Variants in SRRM4 observed in about 807,000 individuals in gnomAD.
SRRM4 encodes the protein serine/arginine repetitive matrix protein 4.
Under a neutral mutation model 68.9 loss-of-function variants are expected in SRRM4, and 33 were observed. The observed-to-expected ratio is 0.48, with a 90% CI of 0.36 to 0.64. The LOEUF is 0.64. Among genes scored for constraint, SRRM4 ranks in the 30% least tolerant of loss-of-function variants. SRRM4 has a pLI of 0.00. For synonymous variants in SRRM4, 318 were observed against 318.8 expected (o/e 1.00, Z 0.03); for missense variants, 817 against 827.1 (o/e 0.99, Z 0.15).
intron 1 of SRRM4, among the ~76,000 whole-genome samples, chr12:119,084,490 C>A (rs954786529): frequency 6.6e-6 from 1 of 152,172 alleles, no homozygotes; most frequent in African/African-American, 2.4e-5. Flanking sequence ...CAGGAATTGC[C>A]TCCAGTGGAC....
chr12:119,100,959 C>A lies in SRRM4; in HGVS notation c.132-1277C>A, dbSNP rs370081247. On this transcript the variant is annotated intron_variant, in intron 1 of 12. Transcript: ENST00000267260. The stretch of plus-strand genomic sequence containing the variant: ...CCAGGGCTTGCAGTATCTACCAGCT[C>A]GGCTTCTAAAGATGCACTCATAAGT... Among the ~76,000 whole-genome samples the A allele has an allele frequency of 1.4e-4, 22 of 152,280 alleles. No individual in the cohort carries two copies. In the East Asian group the frequency reaches 1.9e-3, roughly 13 times the overall value.
At chr12:119,155,776 T>C (rs912335758) in intron 12 of SRRM4, among the ~76,000 whole-genome samples, 4 of 152,320 alleles carry the variant, frequency 2.6e-5, no homozygotes, top group African/African-American at 9.6e-5. Context: ...ATATAATTCC[T>C]AGCATAATTT....
intron 1 of SRRM4, among the ~76,000 whole-genome samples, chr12:119,085,776 C>T (rs1452004876): frequency 2.0e-5 from 3 of 152,014 alleles, no homozygotes; most frequent in African/African-American, 7.3e-5. Flanking sequence ...GGGTGAGAGA[C>T]GGTGGTGGCT....
At chr12:119,062,727 A>G (rs766476431) in intron 1 of SRRM4, among the ~76,000 whole-genome samples, 3 of 152,240 alleles carry the variant, frequency 2.0e-5, no homozygotes, top group Non-Finnish European at 2.9e-5. Context: ...TTTTTCATCT[A>G]CATTATAATC....
chr12:119,069,189 G>A (rs1224769183), intron 1 of SRRM4, among the ~76,000 whole-genome samples: 1 of 152,154 alleles, frequency 6.6e-6, no homozygotes, highest in Admixed American at 6.5e-5. Context: ...GCAAACAGTG[G>A]AACAAAGTGA....
chr12:119,088,434 G>C (rs1953992963), intron 1 of SRRM4, among the ~76,000 whole-genome samples: 1 of 152,094 alleles, frequency 6.6e-6, no homozygotes, highest in African/African-American at 2.4e-5. Flanking sequence ...AAGTTACTGA[G>C]CCTCCTTCAA....
chr12:119,139,834 G>A (rs1374513340), intron 8 of SRRM4, among the ~76,000 whole-genome samples: 1 of 151,718 alleles, frequency 6.6e-6, no homozygotes, highest in Admixed American at 6.6e-5. Context: ...GGCCAGAAAG[G>A]GCACCTTTTT....
At chr12:119,067,878 G>T (rs955220979) in intron 1 of SRRM4, among the ~76,000 whole-genome samples, 2 of 152,216 alleles carry the variant, frequency 1.3e-5, no homozygotes, top group Non-Finnish European at 2.9e-5. Context: ...GGTGGAGAGA[G>T]TAAATTAGAT....
intron 1 of SRRM4, among the ~76,000 whole-genome samples, chr12:119,088,439 C>T (rs34520165): frequency 0.37 from 56,734 of 151,978 alleles, 11,008 homozygotes; most frequent in Middle Eastern, 0.45. Flanking sequence ...ACTGAGCCTC[C>T]TTCAATAATA....
chr12:119,119,378 G>GA (rs1389189775), intron 4 of SRRM4, among the ~76,000 whole-genome samples: 4 of 151,788 alleles, frequency 2.6e-5, no homozygotes, highest in Admixed American at 6.6e-5. Context: ...TTCTAGTGGG[G>GA]AAAATCGATC....
intron 1 of SRRM4, among the ~76,000 whole-genome samples, chr12:118,992,612 T>C (rs572065161): frequency 1.3e-5 from 2 of 152,340 alleles, no homozygotes; most frequent in South Asian, 4.1e-4. Flanking sequence ...ATTTATCATA[T>C]GGATGGTTGT....
intron 1 of SRRM4, among the ~76,000 whole-genome samples, chr12:118,992,442 C>T (rs1016641834): frequency 7.9e-5 from 12 of 152,216 alleles, no homozygotes; most frequent in African/African-American, 2.9e-4. Flanking sequence ...AGGTGAGCAG[C>T]TCTGGGTGTT....
chr12:119,116,306 G>A lies in SRRM4; in HGVS notation c.366-631G>A, dbSNP rs143659368. Reference sequence around the variant, plus strand: ...GTCTTGAGTCATCACCATGGACTCAGAGTAGCTCTGTTGCTCAGGTAACAC... The same window carrying A: ...GTCTTGAGTCATCACCATGGACTCAAAGTAGCTCTGTTGCTCAGGTAACAC... On this transcript the variant is annotated intron_variant, in intron 3 of 12. Coordinates refer to ENST00000267260, the MANE Select transcript of SRRM4 (RefSeq NM_194286.4). Among the ~76,000 whole-genome samples the A allele has an allele frequency of 1.1e-4, 16 of 152,338 alleles. No homozygotes were observed. The East Asian group carries it at 2.9e-3, about 28-fold the overall frequency.
At chr12:119,065,893 A>T (rs1328984976) in intron 1 of SRRM4, among the ~76,000 whole-genome samples, 1 of 152,166 alleles carries the variant, frequency 6.6e-6, no homozygotes, top group Admixed American at 6.6e-5. Flanking sequence ...GACTGGATAG[A>T]TGAAAAAATG....
At chr12:119,053,728 G>A (rs932666599) in intron 1 of SRRM4, among the ~76,000 whole-genome samples, 10 of 150,372 alleles carry the variant, frequency 6.7e-5, no homozygotes, top group African/African-American at 2.5e-4. Context: ...CCTTCCTTGT[G>A]ATCAAAATCC....
intron 8 of SRRM4, among the ~76,000 whole-genome samples, chr12:119,140,675 A>G (rs1325451870): frequency 6.6e-6 from 1 of 152,240 alleles, no homozygotes; most frequent in African/African-American, 2.4e-5. Context: ...AATAAGAAGT[A>G]AGAAGACCCA....
chr12:119,044,958 T>C (rs986693870), intron 1 of SRRM4, among the ~76,000 whole-genome samples: 4 of 152,216 alleles, frequency 2.6e-5, no homozygotes, highest in African/African-American at 9.6e-5. Context: ...TTAATTACTT[T>C]GCTGTGCCTC....
chr12:119,125,343 C>A (rs772615509), intron 6 of SRRM4, 38 bp from the exon 7 acceptor site: 20 of 1,563,392 alleles, frequency 1.3e-5, no homozygotes, highest in Non-Finnish European at 1.7e-5. Context: ...TACTCTCTCT[C>A]TCCTCTCCTC....
At chr12:119,080,307 C>T (rs1217225679) in intron 1 of SRRM4, among the ~76,000 whole-genome samples, 1 of 151,844 alleles carries the variant, frequency 6.6e-6, no homozygotes, top group Non-Finnish European at 1.5e-5. Context: ...ATTGTCTTCA[C>T]AGCATTGTGG....
Sources: allele counts gnomAD v4.1 joint callset (sites outside exome capture counted in the v4.1 genomes callset), GRCh38; gene constraint gnomAD v4.1.1; transcripts MANE v1.5; gene names NCBI Gene and HGNC (gene_info 2026-07-23, HGNC 2026-07-21).